FAM120A: variants seen among roughly 807,000 people sequenced by gnomAD.
FAM120A encodes constitutive coactivator of PPAR-gamma-like protein 1.
FAM120A carries 15 observed loss-of-function variants against 109.7 expected under a neutral mutation model. The ratio of observed to expected loss-of-function variants is 0.14; its 90% CI spans 0.09 to 0.21. FAM120A has a LOEUF of 0.21. Ranked by LOEUF, FAM120A falls within the 10% of genes least tolerant of loss-of-function variation. The pLI is 1.00. For missense variants in FAM120A, 899 were observed against 1,439.3 expected (o/e 0.62, Z 6.07); for synonymous variants, 493 against 572.8 (o/e 0.86, Z 1.99).
rs1232537357 is a variant in FAM120A at position 93,453,308 on chromosome 9, C to G, written c.474+919C>G. On this transcript the variant is annotated intron_variant, in intron 1 of 17. Coordinates refer to ENST00000277165, the MANE Select transcript of FAM120A (RefSeq NM_014612.5). ...GGCCCTTTGGCAGAGGGCTTCGCAG[C>G]TGGCACTGGGCCAGAGGAGAACTTC... 4 of 986,736 alleles carry G rather than the reference C, an allele frequency of 4.1e-6. No homozygotes were observed. The East Asian group carries it at 3.4e-4, about 84-fold the overall frequency. 61.1% of individuals were successfully genotyped at this position (986,736 alleles called of 1,614,324 possible).
Position 93,557,865 on chromosome 9 carries a change from C to T in FAM120A, c.2523C>T (p.Ser841=), listed in dbSNP as rs762905632. ...CCAAGGTAGAGAAGATGCGCCAGAG[C>T]GTCCTCGAGGGGCTCAGCTTCTCCA... ...QAAKVEKMRQ[S]VLEGLSFSRQ... is the part of the protein sequence containing the mutation. The change falls in exon 14 of 18, where the codon AGC becomes AGT. Residue 841 remains serine, a synonymous_variant. Transcript: ENST00000277165. 25 of 1,613,800 alleles carry T rather than the reference C, an allele frequency of 1.5e-5. No homozygotes were observed. The highest frequency in any genetic ancestry group is 5.0e-5 in the Admixed American group (3 of 60,016).
intron 5 of FAM120A, among the ~76,000 whole-genome samples, chr9:93,502,596 A>ACACACACACACACG (rs754287212): frequency 6.6e-6 from 1 of 150,812 alleles, no homozygotes; most frequent in Non-Finnish European, 1.5e-5. Flanking sequence ...ACACACACAC[A>ACACACACACACACG]CACGCACACT....
Position 93,451,699 on chromosome 9 carries a change from G to T in FAM120A, c.-217G>T, listed in dbSNP as rs1857216271. ...TCGGCCTCGGCCTCGGCCTCGCAGC[G>T]GCGGCAGCGGCGGCGGCGGCAGGTC... On this transcript the variant is annotated 5_prime_UTR_variant, in exon 1 of 18. Transcript: ENST00000277165. 1 of 978,324 alleles carries T rather than the reference G, an allele frequency of 1.0e-6. No individual in the cohort carries two copies. The highest frequency in any genetic ancestry group is 1.2e-6 in the Non-Finnish European group (1 of 829,258). The allele number at this position is 978,324 out of a possible 1,614,324, so 60.6% of individuals were successfully genotyped here.
chr9:93,546,733 A>G (rs192853390), intron 11 of FAM120A, among the ~76,000 whole-genome samples: 354 of 152,338 alleles, frequency 2.3e-3, no homozygotes, highest in African/African-American at 8.3e-3. Flanking sequence ...CAAGACAGAA[A>G]TGAATGGGCA....
intron 7 of FAM120A, among the ~76,000 whole-genome samples, chr9:93,521,107 T>C (rs566134561): frequency 6.6e-6 from 1 of 152,340 alleles, no homozygotes; most frequent in East Asian, 1.9e-4. Context: ...TCTGAGAATA[T>C]GAGAAGACTT....
At position 93,532,408 on chromosome 9, in the gene FAM120A, A is replaced by G. The variant is rs758780628; in HGVS notation, c.1909+79A>G. On this transcript the variant is annotated intron_variant, in intron 10 of 17. Coordinates refer to ENST00000277165, the MANE Select transcript of FAM120A (RefSeq NM_014612.5). The surrounding 1 kb of genome is among the most constrained non-coding windows in gnomAD (Gnocchi z 4.3). ...GTGCATTTTCTAAAGCCTTAGAAGA[A>G]TCATGACTGAGTTGACCCCGAGTGC... 2.0e-6 allele frequency: 3 copies of G among 1,536,756 alleles called. No homozygotes were observed. Among genetic ancestry groups the G allele is most frequent in the South Asian group, 2.3e-5 (2 of 88,750 alleles).
At chr9:93,455,912 C>T (rs4744240) in intron 1 of FAM120A, among the ~76,000 whole-genome samples, 39,982 of 152,096 alleles carry the variant, frequency 0.26, 6,493 homozygotes, top group East Asian at 0.44. Flanking sequence ...CCACCTGCCT[C>T]GGCCTCCCAA....
Position 93,452,439 on chromosome 9 carries a change from CT to C in FAM120A, c.474+51del, listed in dbSNP as rs776648143. 1.8e-4 allele frequency: 284 copies of C among 1,563,266 alleles called. No homozygotes were observed. The East Asian group carries it at 6.1e-3, about 34-fold the overall frequency. On this transcript the variant is annotated intron_variant, in intron 1 of 17. Coordinates refer to ENST00000277165, the MANE Select transcript of FAM120A (RefSeq NM_014612.5). The surrounding 1 kb of genome is among the most constrained non-coding windows in gnomAD (Gnocchi z 7.0). Reference sequence around the variant, plus strand: ...CGGGGACCGGGGCCGCGCCGCACCCCTATCCCCCTTCCCAGGGCGCAGAATG... The same window carrying C: ...CGGGGACCGGGGCCGCGCCGCACCCCATCCCCCTTCCCAGGGCGCAGAATG...
chr9:93,460,561 T>G (rs1857748606), intron 1 of FAM120A, among the ~76,000 whole-genome samples: 2 of 152,318 alleles, frequency 1.3e-5, no homozygotes, highest in South Asian at 4.1e-4. Flanking sequence ...GGTCTCGGAC[T>G]CCTGACCTCG....
intron 3 of FAM120A, among the ~76,000 whole-genome samples, chr9:93,486,691 G>A (rs1269788439): frequency 1.3e-5 from 2 of 151,762 alleles, no homozygotes; most frequent in African/African-American, 4.8e-5. Context: ...GTGCCACCAC[G>A]CCTGGCTAAT....
chr9:93,538,287 G>T (rs940650530), intron 10 of FAM120A, among the ~76,000 whole-genome samples: 1 of 152,116 alleles, frequency 6.6e-6, no homozygotes, highest in Admixed American at 6.5e-5. Flanking sequence ...ATTACAGAGG[G>T]TGCTTACAGA....
At chr9:93,466,083 G>C (rs1265058598) in intron 1 of FAM120A, among the ~76,000 whole-genome samples, 7 of 152,120 alleles carry the variant, frequency 4.6e-5, no homozygotes, top group Non-Finnish European at 8.8e-5. Flanking sequence ...TGGGTAAGGA[G>C]CTCTCTGTGG....
intron 3 of FAM120A, among the ~76,000 whole-genome samples, chr9:93,486,865 G>A (rs529156689): frequency 1.3e-5 from 2 of 152,190 alleles, no homozygotes; most frequent in Admixed American, 6.5e-5. Flanking sequence ...CCACCAAACT[G>A]TTTTCCACAG....
chr9:93,562,976 T>G (rs1448811984), intron 17 of FAM120A, among the ~76,000 whole-genome samples: 3 of 152,182 alleles, frequency 2.0e-5, no homozygotes, highest in African/African-American at 7.2e-5. Context: ...TCCTGCTATA[T>G]TTTTATGTTT....
intron 3 of FAM120A, among the ~76,000 whole-genome samples, chr9:93,487,542 G>T (rs79330192): frequency 0.077 from 11,647 of 152,206 alleles, 577 homozygotes; most frequent in Non-Finnish European, 0.1. Flanking sequence ...ATTAATCTTT[G>T]CAATAAGTTT....
intron 11 of FAM120A, among the ~76,000 whole-genome samples, chr9:93,547,773 CAAAT>C (rs1305973992): frequency 6.6e-6 from 1 of 152,136 alleles, no homozygotes; most frequent in African/African-American, 2.4e-5. Flanking sequence ...GGAATTAGCA[CAAAT>C]AAATAAGCTG....
intron 2 of FAM120A, among the ~76,000 whole-genome samples, chr9:93,471,650 G>A (rs1858319892): frequency 6.6e-6 from 1 of 152,172 alleles, no homozygotes; most frequent in African/African-American, 2.4e-5. Flanking sequence ...CTCATTTAAG[G>A]TTTTGGAAAA....
chr9:93,497,657 G>A, intron 4 of FAM120A, 58 bp downstream of exon 4: 5 of 1,552,044 alleles, frequency 3.2e-6, no homozygotes, highest in Non-Finnish European at 4.3e-6. Context: ...ACGTTGCATA[G>A]TGGTGTGGCC....
chr9:93,532,083 A>T lies in FAM120A; in HGVS notation c.1735-72A>T. On this transcript the variant is annotated intron_variant, in intron 9 of 17. Coordinates refer to ENST00000277165, the MANE Select transcript of FAM120A (RefSeq NM_014612.5). This position sits in a 1 kb window ranked among gnomAD's most constrained non-coding sequence, Gnocchi z 4.3. ...TGTCATTAACTGGAGATAATACAGT[A>T]TATTTCTGTGAGTGTATTGTAAATT... The T allele has an allele frequency of 7.3e-7, 1 of 1,369,610 alleles. No homozygotes were observed. The highest frequency in any genetic ancestry group is 1.0e-6 in the Non-Finnish European group (1 of 970,528). The allele number at this position is 1,369,610 out of a possible 1,614,324, so 84.8% of individuals were successfully genotyped here. A position where few individuals can be genotyped will look rare whatever the true frequency, so the allele number is the denominator to read the frequency against.
Sources: gnomAD v4.1 joint callset for allele counts (sites outside exome capture counted in the v4.1 genomes callset) on GRCh38, gnomAD v4.1.1 for gene constraint, Gnocchi (gnomAD v3.1) non-coding constraint, MANE v1.5 for transcripts, NCBI Gene and HGNC (gene_info 2026-07-23, HGNC 2026-07-21) for gene names.